TAFA4: variants seen among roughly 807,000 people sequenced by gnomAD.
The protein encoded by TAFA4 is chemokine-like protein TAFA-4.
A neutral mutation model predicts 21.1 loss-of-function variants in TAFA4; 20 were observed. The observed-to-expected ratio is 0.95, with a 90% CI of 0.67 to 1.38. The LOEUF (loss-of-function observed/expected upper bound fraction) is 1.38. Ranked by LOEUF, TAFA4 falls within the 40% of genes most tolerant of loss-of-function variation. The pLI is 0.00. For synonymous variants in TAFA4, 71 were observed against 67.4 expected (o/e 1.05, Z -0.26); for missense variants, 211 against 180.9 (o/e 1.17, Z -0.95).
intron 3 of TAFA4, among the ~76,000 whole-genome samples, chr3:68,864,414 A>G (rs931613027): frequency 5.9e-5 from 9 of 152,136 alleles, no homozygotes; most frequent in African/African-American, 1.7e-4. Flanking sequence ...CACACCTATT[A>G]AAAATGGCTA....
intron 5 of TAFA4, 130 bp downstream of exon 5, chr3:68,738,945 G>T: frequency 7.6e-7 from 1 of 1,313,848 alleles, no homozygotes; most frequent in Non-Finnish European, 1.0e-6. Flanking sequence ...GGCCAAATCC[G>T]TAAGGTAGCA....
intron 3 of TAFA4, among the ~76,000 whole-genome samples, chr3:68,767,044 TA>T (rs1479174031): frequency 1.3e-5 from 2 of 152,194 alleles, no homozygotes; most frequent in Non-Finnish European, 2.9e-5. Context: ...TAAAAACGTT[TA>T]TTTTTTTGTT....
intron 1 of TAFA4, among the ~76,000 whole-genome samples, chr3:68,925,719 T>C (rs922691424): frequency 6.6e-6 from 1 of 152,194 alleles, no homozygotes; most frequent in Non-Finnish European, 1.5e-5. Context: ...AAGAATGACA[T>C]ATAGCTCTCT....
At chr3:68,890,241 T>C (rs2089717014) in intron 1 of TAFA4, among the ~76,000 whole-genome samples, 1 of 152,164 alleles carries the variant, frequency 6.6e-6, no homozygotes, top group Admixed American at 6.6e-5. Context: ...CAAAAACTAA[T>C]AAGCAAAAGG....
intron 5 of TAFA4, among the ~76,000 whole-genome samples, chr3:68,736,867 C>G (rs1246600539): frequency 1.3e-5 from 2 of 152,122 alleles, no homozygotes; most frequent in Non-Finnish European, 2.9e-5. Context: ...TCTCAAGTGA[C>G]ATATCACTAA....
intron 3 of TAFA4, among the ~76,000 whole-genome samples, chr3:68,855,674 A>G (rs545051271): frequency 1.1e-4 from 16 of 152,122 alleles, no homozygotes; most frequent in Non-Finnish European, 2.1e-4. Context: ...AGACACTTCT[A>G]TATATGTATA....
intron 3 of TAFA4, among the ~76,000 whole-genome samples, chr3:68,826,011 A>C (rs895660478): frequency 3.9e-5 from 6 of 152,196 alleles, no homozygotes; most frequent in African/African-American, 1.4e-4. Flanking sequence ...ACAACAAGCA[A>C]GGATGCTGCA....
chr3:68,901,565 T>C (rs938406334), intron 1 of TAFA4, among the ~76,000 whole-genome samples: 1 of 152,166 alleles, frequency 6.6e-6, no homozygotes, highest in African/African-American at 2.4e-5. Context: ...TTTAACTAGG[T>C]AAAATTTAAA....
At chr3:68,825,068 T>A (rs546154082) in intron 3 of TAFA4, among the ~76,000 whole-genome samples, 1 of 152,258 alleles carries the variant, frequency 6.6e-6, no homozygotes, top group African/African-American at 2.4e-5. Context: ...GCATAGACCA[T>A]CCCATCACCT....
At chr3:68,827,570 T>A (rs548144797) in intron 3 of TAFA4, among the ~76,000 whole-genome samples, 1 of 152,220 alleles carries the variant, frequency 6.6e-6, no homozygotes, top group East Asian at 1.9e-4. Flanking sequence ...TTTTTAATGA[T>A]CGCCATTCTA....
At chr3:68,753,412 T>G (rs1364141554) in intron 3 of TAFA4, among the ~76,000 whole-genome samples, 1 of 149,476 alleles carries the variant, frequency 6.7e-6, no homozygotes, top group Non-Finnish European at 1.5e-5. Flanking sequence ...CTCAGCTCAT[T>G]GCAACCTCTA....
chr3:68,745,110 T>C (rs1330001652), intron 4 of TAFA4, among the ~76,000 whole-genome samples: 1 of 152,104 alleles, frequency 6.6e-6, no homozygotes, highest in Non-Finnish European at 1.5e-5. Flanking sequence ...GCAAATTCCG[T>C]TATGAGTTAA....
In TAFA4 at chr3:68,915,706, G is replaced by A. The variant is rs146678008; in HGVS notation, c.-123+16534C>T. On this transcript the variant is annotated intron_variant, in intron 1 of 5. Coordinates refer to ENST00000295569, the MANE Select transcript of TAFA4 (RefSeq NM_182522.5). Reference sequence around the variant, plus strand: ...AACAGGGAGGTGACTTTATGGGACTGCATTTTTTCCTCCACATGGGAATAT... The same window carrying A: ...AACAGGGAGGTGACTTTATGGGACTACATTTTTTCCTCCACATGGGAATAT... Among the ~76,000 whole-genome samples, 66 of 152,256 alleles carry A rather than the reference G, an allele frequency of 4.3e-4. No individual in the cohort carries two copies. In the South Asian group the frequency reaches 9.1e-3, roughly 21 times the overall value.
At chr3:68,917,769 A>AG (rs1575672672) in intron 1 of TAFA4, among the ~76,000 whole-genome samples, 3 of 150,980 alleles carry the variant, frequency 2.0e-5, no homozygotes, top group Admixed American at 6.6e-5. Flanking sequence ...AAAAAAAAAA[A>AG]AAAAGAAAGT....
chr3:68,740,470 C>CTGTT (rs1559754723), intron 4 of TAFA4, among the ~76,000 whole-genome samples: 1 of 152,164 alleles, frequency 6.6e-6, no homozygotes, highest in Admixed American at 6.6e-5. Context: ...TTTCATATGC[C>CTGTT]TGTTAGTCAT....
intron 1 of TAFA4, among the ~76,000 whole-genome samples, chr3:68,925,800 A>G (rs2090102227): frequency 6.6e-6 from 1 of 152,176 alleles, no homozygotes; most frequent in Non-Finnish European, 1.5e-5. Flanking sequence ...GATCACCACA[A>G]CGTAGGAGGT....
chr3:68,818,599 G>A (rs1055980119), intron 3 of TAFA4, among the ~76,000 whole-genome samples: 1 of 152,144 alleles, frequency 6.6e-6, no homozygotes, highest in South Asian at 2.1e-4. Flanking sequence ...GAAGACTTAG[G>A]AGCCAATGTA....
At chr3:68,865,355 T>C (rs1456176641) in intron 3 of TAFA4, among the ~76,000 whole-genome samples, 1 of 152,020 alleles carries the variant, frequency 6.6e-6, no homozygotes, top group Non-Finnish European at 1.5e-5. Flanking sequence ...TCCTGAATTG[T>C]AGTTCCCATA....
At chr3:68,737,908 C>CT (rs1325903329) in intron 5 of TAFA4, among the ~76,000 whole-genome samples, 1 of 152,176 alleles carries the variant, frequency 6.6e-6, no homozygotes, top group Non-Finnish European at 1.5e-5. Flanking sequence ...CTCTAATGAT[C>CT]TTAGAATGAC....
Sources: allele counts gnomAD v4.1 joint callset (sites outside exome capture counted in the v4.1 genomes callset), GRCh38; gene constraint gnomAD v4.1.1; transcripts MANE v1.5; gene names NCBI Gene and HGNC (gene_info 2026-07-23, HGNC 2026-07-21).